The following PDE10A variants were observed in gnomAD, a reference collection of about 807,000 sequenced individuals.
The protein encoded by PDE10A is cAMP and cAMP-inhibited cGMP 3',5'-cyclic phosphodiesterase 10A.
In PDE10A, 39 loss-of-function variants were observed where a neutral mutation model predicts 97.7. The ratio of observed to expected loss-of-function variants is 0.40; its 90% CI spans 0.31 to 0.52. PDE10A has a LOEUF of 0.52. Ranked by LOEUF, PDE10A falls within the 20% of genes least tolerant of loss-of-function variation. The probability of loss-of-function intolerance (pLI) is 0.56; values close to 1 mark genes in which losing one functional copy is unlikely to be tolerated. For missense variants in PDE10A, 731 were observed against 1,047.8 expected (o/e 0.70, Z 4.17); for synonymous variants, 371 against 376.8 (o/e 0.98, Z 0.18).
intron 1 of PDE10A, among the ~76,000 whole-genome samples, chr6:165,558,012 A>G (rs779743776): frequency 2.6e-5 from 4 of 152,204 alleles, no homozygotes; most frequent in Non-Finnish European, 5.9e-5. Context: ...CATGCAATAT[A>G]TAACAAACGA....
At chr6:165,417,079 T>C (rs1194549787) in intron 11 of PDE10A, among the ~76,000 whole-genome samples, 2 of 152,176 alleles carry the variant, frequency 1.3e-5, no homozygotes, top group African/African-American at 4.8e-5. Context: ...AATTTCCATA[T>C]TATTACATTG....
At chr6:165,794,207 C>T (rs1778752424) in intron 1 of PDE10A, among the ~76,000 whole-genome samples, 1 of 151,290 alleles carries the variant, frequency 6.6e-6, no homozygotes, top group Admixed American at 6.6e-5. Context: ...CGCTCACACA[C>T]ACTCATCACA....
In PDE10A at chr6:165,758,528, GA is replaced by G. The variant is rs1303831476; in HGVS notation, c.-614-214961del. Reference sequence around the variant, plus strand: ...AAAGAAGAAAGAAGAAGAAGAAGAAGAAGAGGAAGAGGAAGAGGAAGAAGAA... The same window carrying G: ...AAAGAAGAAAGAAGAAGAAGAAGAAGAGAGGAAGAGGAAGAGGAAGAAGAA... On this transcript the variant is annotated intron_variant, in intron 1 of 19. Coordinates refer to the PDE10A transcript ENST00000366882. 3.5e-4 allele frequency among the ~76,000 whole-genome samples: 42 copies of G among 121,182 alleles called. 2 individuals are homozygous for G. In the South Asian group the frequency reaches 8.3e-3, roughly 24 times the overall value. The allele number at this position is 121,182 out of a possible 152,430, so 79.5% of individuals were successfully genotyped here. A position where few individuals can be genotyped will look rare whatever the true frequency, so the allele number is the denominator to read the frequency against.
intron 1 of PDE10A, among the ~76,000 whole-genome samples, chr6:165,861,924 C>T (rs1338009536): frequency 1.3e-5 from 2 of 152,220 alleles, no homozygotes; most frequent in African/African-American, 4.8e-5. Flanking sequence ...ATCTTAGATC[C>T]CTGCCCTTCA....
intron 1 of PDE10A, among the ~76,000 whole-genome samples, chr6:165,840,849 C>T (rs146643526): frequency 6.6e-6 from 1 of 152,316 alleles, no homozygotes; most frequent in African/African-American, 2.4e-5. Context: ...AATAACTGTT[C>T]AGAGATATTC....
chr6:165,493,214 T>C (rs980374948), intron 2 of PDE10A, among the ~76,000 whole-genome samples: 5 of 152,152 alleles, frequency 3.3e-5, no homozygotes, highest in Non-Finnish European at 7.4e-5. Context: ...ACACATCCCA[T>C]GCTCATGGAT....
chr6:165,607,848 G>A (rs950413587), intron 1 of PDE10A, among the ~76,000 whole-genome samples: 2 of 151,974 alleles, frequency 1.3e-5, no homozygotes, highest in African/African-American at 4.8e-5. Flanking sequence ...CCAGATCTGA[G>A]GTTCAAGTGG....
intron 1 of PDE10A, among the ~76,000 whole-genome samples, chr6:165,897,287 G>T (rs1472077992): frequency 1.3e-5 from 2 of 152,162 alleles, no homozygotes; most frequent in Non-Finnish European, 2.9e-5. Context: ...AATTGGGGAG[G>T]CCCTTGTGTG....
At chr6:165,617,438 G>T (rs532072424) in intron 1 of PDE10A, among the ~76,000 whole-genome samples, 1 of 152,278 alleles carries the variant, frequency 6.6e-6, no homozygotes, top group Admixed American at 6.5e-5. Context: ...TCACCTCCCA[G>T]GTTCAAGCGA....
intron 1 of PDE10A, among the ~76,000 whole-genome samples, chr6:165,707,238 C>G (rs1201146092): frequency 1.3e-5 from 2 of 152,226 alleles, no homozygotes; most frequent in African/African-American, 4.8e-5. Context: ...GCGGCTCCCC[C>G]AGTCCCGCCC....
chr6:165,459,514 T>TAGATAGAC (rs1778173701), intron 3 of PDE10A, among the ~76,000 whole-genome samples: 1 of 64,176 alleles, frequency 1.6e-5, no homozygotes, highest in East Asian at 2.9e-4. Context: ...GATAGATAGA[T>TAGATAGAC]AGATAGATAG....
At chr6:165,497,811 T>C (rs1287510284) in intron 2 of PDE10A, among the ~76,000 whole-genome samples, 1 of 152,224 alleles carries the variant, frequency 6.6e-6, no homozygotes, top group African/African-American at 2.4e-5. Context: ...CTACTGATGC[T>C]TTAAGAGCTG....
chr6:165,673,253 G>A lies in PDE10A; in HGVS notation c.-614-129685C>T, dbSNP rs185708670. Among the ~76,000 whole-genome samples the A allele has an allele frequency of 7.9e-5, 12 of 152,320 alleles. No homozygotes were observed. In the East Asian group the frequency reaches 2.1e-3, roughly 27 times the overall value. On this transcript the variant is annotated intron_variant, in intron 1 of 19. Coordinates refer to the PDE10A transcript ENST00000366882. Reference sequence around the variant, plus strand: ...AGATATGGCACAGATTCCCATGAATGGTTAACCCCTAGTGCATGTATATAG... The same window carrying A: ...AGATATGGCACAGATTCCCATGAATAGTTAACCCCTAGTGCATGTATATAG...
intron 1 of PDE10A, among the ~76,000 whole-genome samples, chr6:165,692,818 C>T (rs949362032): frequency 5.9e-5 from 9 of 152,178 alleles, no homozygotes; most frequent in Non-Finnish European, 1.3e-4. Context: ...AACACTCTTA[C>T]ACTAGGGAAT....
intron 13 of PDE10A, among the ~76,000 whole-genome samples, chr6:165,406,656 G>A (rs1264499556): frequency 2.0e-5 from 3 of 152,100 alleles, no homozygotes; most frequent in East Asian, 3.9e-4. Context: ...GAGGATGCTC[G>A]GATAGCAGGT....
At chr6:165,977,337 G>A (rs1398417982) in intron 1 of PDE10A, among the ~76,000 whole-genome samples, 1 of 152,192 alleles carries the variant, frequency 6.6e-6, no homozygotes, top group South Asian at 2.1e-4. Flanking sequence ...TTCTCAAACA[G>A]AAGTAAAGAA....
chr6:165,643,861 T>C (rs555794248), intron 1 of PDE10A, among the ~76,000 whole-genome samples: 1 of 152,264 alleles, frequency 6.6e-6, no homozygotes, highest in South Asian at 2.1e-4. Context: ...CAAAAAACAA[T>C]GATAAGTGGG....
intron 13 of PDE10A, among the ~76,000 whole-genome samples, chr6:165,409,321 C>T (rs1422153460): frequency 1.3e-5 from 2 of 152,200 alleles, no homozygotes; most frequent in South Asian, 2.1e-4. Context: ...CCGAGGCAGG[C>T]GGATCACCTG....
chr6:165,572,714 A>G (rs1017206846), intron 1 of PDE10A, among the ~76,000 whole-genome samples: 2 of 152,210 alleles, frequency 1.3e-5, no homozygotes, highest in African/African-American at 4.8e-5. Context: ...CAGCCTGAGC[A>G]ACATGGTGAA....
Sources: gnomAD v4.1 joint callset for allele counts (sites outside exome capture counted in the v4.1 genomes callset) on GRCh38, gnomAD v4.1.1 for gene constraint, MANE v1.5 for transcripts, NCBI Gene and HGNC (gene_info 2026-07-23, HGNC 2026-07-21) for gene names.